The following DHCR24 variants were observed in gnomAD, a reference collection of about 807,000 sequenced individuals.
DHCR24 encodes the protein 24-dehydrocholesterol reductase.
In DHCR24, 28 loss-of-function variants were observed where a neutral mutation model predicts 61.2. That is an observed-to-expected ratio of 0.46 (90% CI 0.34 to 0.63). The LOEUF (loss-of-function observed/expected upper bound fraction) is 0.63, where lower values mean the gene tolerates loss of function less well. Ranked by LOEUF, DHCR24 falls within the 20% of genes least tolerant of loss-of-function variation. The pLI is 0.01. For synonymous variants in DHCR24, 261 were observed against 275.9 expected (o/e 0.95, Z 0.54); for missense variants, 538 against 679.1 (o/e 0.79, Z 2.31).
In DHCR24 at chr1:54,854,255, T is replaced by C. The variant is rs371030756; in HGVS notation, c.1021-21A>G. 7 of 1,603,570 alleles carry C rather than the reference T, an allele frequency of 4.4e-6. No individual in the cohort carries two copies. In the African/African-American group the frequency reaches 6.9e-5, roughly 16 times the overall value. On this transcript the variant is annotated intron_variant, in intron 6 of 8. Transcript: ENST00000371269. ...ATGTCCTGGAAAACAAAGATTAGGG[T>C]TGGAGAGAAAAAAACCAACAAGGGT... is the stretch of plus-strand genomic sequence containing the variant.
intron 4 of DHCR24, among the ~76,000 whole-genome samples, chr1:54,874,556 T>A (rs1031471796): frequency 2.0e-5 from 3 of 152,224 alleles, no homozygotes; most frequent in Admixed American, 1.3e-4. Context: ...ACTCTTATGA[T>A]GTTTGCACAA....
In DHCR24 at chr1:54,865,499, T is replaced by A. The variant is rs1467700132; in HGVS notation, c.877-53A>T. ...GCCTGCAGACAAGCGCCCAGCACCA[T>A]CGGGGTGTAACAGCGACACCCGGCT... On this transcript the variant is annotated intron_variant, in intron 5 of 8. Coordinates refer to ENST00000371269, the MANE Select transcript of DHCR24 (RefSeq NM_014762.4). 3 of 1,611,002 alleles carry A rather than the reference T, an allele frequency of 1.9e-6. No homozygotes were observed. In the African/African-American group the frequency reaches 4.0e-5, roughly 22 times the overall value.
chr1:54,876,549 G>A (rs183497490), intron 2 of DHCR24, among the ~76,000 whole-genome samples: 20 of 152,050 alleles, frequency 1.3e-4, no homozygotes, highest in African/African-American at 4.6e-4. Context: ...AGCTGCTTGG[G>A]AGGCTGAGGC....
chr1:54,855,628 A>G (rs1386545078), intron 6 of DHCR24, among the ~76,000 whole-genome samples: 1 of 152,150 alleles, frequency 6.6e-6, no homozygotes, highest in African/African-American at 2.4e-5. Flanking sequence ...GACTCCCCAA[A>G]GCAGCCATGT....
chr1:54,857,520 G>A (rs1370075849), intron 6 of DHCR24, among the ~76,000 whole-genome samples: 1 of 152,190 alleles, frequency 6.6e-6, no homozygotes, highest in Non-Finnish European at 1.5e-5. Flanking sequence ...CTTCCTTACC[G>A]TAAGTCAAAG....
At position 54,853,622 on chromosome 1, in the gene DHCR24, C is replaced by T. The variant is rs1646890527; in HGVS notation, c.1219-10G>A. 3 of 1,611,962 alleles carry T rather than the reference C, an allele frequency of 1.9e-6. No individual in the cohort carries two copies. Among genetic ancestry groups the T allele is most frequent in the Non-Finnish European group, 1.7e-6 (2 of 1,179,224 alleles). Reference sequence around the variant, plus strand: ...GCCAGATGGGGTAGACCTGGGTAGACCAGGGAGGTGGGTATTGGTGCTTTT... The same window carrying T: ...GCCAGATGGGGTAGACCTGGGTAGATCAGGGAGGTGGGTATTGGTGCTTTT... On this transcript the variant is annotated splice_polypyrimidine_tract_variant and intron_variant, in intron 7 of 8. Transcript: ENST00000371269.
intron 3 of DHCR24, among the ~76,000 whole-genome samples, chr1:54,875,625 G>A (rs1253106049): frequency 3.3e-5 from 5 of 152,152 alleles, no homozygotes; most frequent in African/African-American, 1.2e-4. Flanking sequence ...TGGGGGCTAT[G>A]AATCCTATGG....
In DHCR24 at chr1:54,883,445, C is replaced by G. The variant is rs1393362942; in HGVS notation, c.387+173G>C. On this transcript the variant is annotated intron_variant, in intron 2 of 8. Transcript: ENST00000371269. The surrounding 1 kb of genome is among the most constrained non-coding windows in gnomAD (Gnocchi z 4.3). ...CTGACCTATTATGACCCATCTCTCC[C>G]CTGGTGGCTGTGAGGCTTGAGGACA... is the stretch of plus-strand genomic sequence containing the variant. Among the ~76,000 whole-genome samples the G allele has an allele frequency of 6.6e-6, 1 of 152,188 alleles. No individual in the cohort carries two copies. The highest frequency in any genetic ancestry group is 1.5e-5 in the Non-Finnish European group (1 of 68,030).
intron 1 of DHCR24, among the ~76,000 whole-genome samples, chr1:54,884,682 C>A (rs1157951209): frequency 6.6e-6 from 1 of 152,182 alleles, no homozygotes; most frequent in Non-Finnish European, 1.5e-5. Flanking sequence ...CCAAGTGAGA[C>A]TGATTCTACT....
chr1:54,878,393 A>T (rs111646050), intron 2 of DHCR24, among the ~76,000 whole-genome samples: 8,529 of 151,756 alleles, frequency 0.056, 318 homozygotes, highest in Admixed American at 0.12. Context: ...GGGTGCCTGT[A>T]ATCCCAGCTA....
chr1:54,876,835 G>A (rs1647036314), intron 2 of DHCR24, among the ~76,000 whole-genome samples: 1 of 151,782 alleles, frequency 6.6e-6, no homozygotes, highest in South Asian at 2.1e-4. Flanking sequence ...GAGGATGTGC[G>A]CCTCTGATAC....
chr1:54,852,492 A>C, intron 8 of DHCR24, 106 bp from the exon 9 acceptor site: 1 of 1,307,774 alleles, frequency 7.6e-7, no homozygotes, highest in Non-Finnish European at 1.1e-6. Flanking sequence ...CTTTTGGAGG[A>C]TTTCTCTTGT....
chr1:54,852,424 C>G (rs770211760), intron 8 of DHCR24, 38 bp from the exon 9 acceptor site: 1 of 1,612,438 alleles, frequency 6.2e-7, no homozygotes, highest in Non-Finnish European at 8.5e-7. Context: ...CGCCAGGAGG[C>G]ACACGGAACG....
chr1:54,878,258 C>A (rs1647045127), intron 2 of DHCR24, among the ~76,000 whole-genome samples: 1 of 151,816 alleles, frequency 6.6e-6, no homozygotes, highest in South Asian at 2.1e-4. Flanking sequence ...ATAATCCCAG[C>A]ACTTTGGGAG....
In DHCR24 at chr1:54,876,067, G is replaced by C. The variant is rs375211158; in HGVS notation, c.388-20C>G. On this transcript the variant is annotated intron_variant, in intron 2 of 8. Coordinates refer to ENST00000371269, the MANE Select transcript of DHCR24 (RefSeq NM_014762.4). The stretch of plus-strand genomic sequence containing the variant: ...GACAATCTGTTGACACAAGAAAAGA[G>C]ACCCTGGGTCAAAAGGAGGCTGCCA... 2.0e-5 allele frequency: 32 copies of C among 1,604,524 alleles called. No homozygotes were observed. The highest frequency in any genetic ancestry group is 2.7e-5 in the African/African-American group (2 of 74,726).
intron 6 of DHCR24, among the ~76,000 whole-genome samples, chr1:54,855,414 T>C (rs1232165186): frequency 1.4e-5 from 2 of 147,534 alleles, no homozygotes; most frequent in Non-Finnish European, 3.0e-5. Context: ...AAAAAAACAG[T>C]TCCAAGGGGC....
intron 5 of DHCR24, among the ~76,000 whole-genome samples, chr1:54,868,359 A>G (rs998480050): frequency 6.6e-6 from 1 of 152,006 alleles, no homozygotes; most frequent in African/African-American, 2.4e-5. Flanking sequence ...AGTCCCAGCT[A>G]CTTGGGAGGC....
At chr1:54,872,182 C>A (rs1647004025) in intron 4 of DHCR24, among the ~76,000 whole-genome samples, 3 of 152,168 alleles carry the variant, frequency 2.0e-5, no homozygotes, top group African/African-American at 7.2e-5. Flanking sequence ...TCACCAAAGT[C>A]TTCCCAGAAA....
chr1:54,874,946 G>T, intron 4 of DHCR24, 147 bp downstream of exon 4: 1 of 750,190 alleles, frequency 1.3e-6, no homozygotes. Context: ...CTCATATAAG[G>T]GGCTACACAA....
Sources: allele counts gnomAD v4.1 joint callset (sites outside exome capture counted in the v4.1 genomes callset), GRCh38; gene constraint gnomAD v4.1.1; non-coding constraint Gnocchi (gnomAD v3.1); transcripts MANE v1.5; gene names NCBI Gene and HGNC (gene_info 2026-07-23, HGNC 2026-07-21).